XKR4: variants seen among roughly 807,000 people sequenced by gnomAD.
XKR4 encodes XK-related protein 4.
Under a neutral mutation model 53.9 loss-of-function variants are expected in XKR4, and 12 were observed. The observed-to-expected ratio is 0.22, with a 90% CI of 0.14 to 0.36. The LOEUF (loss-of-function observed/expected upper bound fraction) is 0.36. XKR4 is among the 10% of genes least tolerant of loss of function. XKR4 has a pLI of 1.00. For synonymous variants in XKR4, 354 were observed against 362.4 expected, an observed-to-expected ratio of 0.98 and a Z score of 0.26; for missense variants, 799 against 859.5, an observed-to-expected ratio of 0.93 and a Z score of 0.88.
At chr8:55,369,859 A>G (rs1198916670) in intron 2 of XKR4, among the ~76,000 whole-genome samples, 1 of 152,140 alleles carries the variant, frequency 6.6e-6, no homozygotes, top group African/African-American at 2.4e-5. Context: ...AAGTTATTAT[A>G]TATATTTGCT....
chr8:55,169,371 G>A lies in XKR4; in HGVS notation c.806+66077G>A, dbSNP rs117194283. Among the ~76,000 whole-genome samples the A allele has an allele frequency of 6.2e-3, 950 of 152,334 alleles. 4 individuals are homozygous for A. Among genetic ancestry groups the A allele is most frequent in the Non-Finnish European group, 9.1e-3 (620 of 68,032 alleles). ...GGTAAAATGGCAGTAATGCCCATCC[G>A]TGGTTTCATCCCTTTTCAAAGATTG... On this transcript the variant is annotated intron_variant, in intron 1 of 2. Coordinates refer to ENST00000327381, the MANE Select transcript of XKR4 (RefSeq NM_052898.2).
chr8:55,265,152 C>A (rs1276770707), intron 1 of XKR4, among the ~76,000 whole-genome samples: 2 of 152,194 alleles, frequency 1.3e-5, no homozygotes, highest in Non-Finnish European at 2.9e-5. Context: ...TAGGGTATCA[C>A]TACAAGCAGA....
chr8:55,325,227 T>G (rs1188153330), intron 1 of XKR4, among the ~76,000 whole-genome samples: 2 of 152,198 alleles, frequency 1.3e-5, no homozygotes, highest in Non-Finnish European at 2.9e-5. Flanking sequence ...AGTGTTGCTG[T>G]GCTATAATCA....
chr8:55,274,896 A>C (rs1051380607), intron 1 of XKR4, among the ~76,000 whole-genome samples: 4 of 152,210 alleles, frequency 2.6e-5, no homozygotes, highest in Admixed American at 1.3e-4. Flanking sequence ...AGTTCAGTCC[A>C]TGACAGTGCC....
intron 1 of XKR4, among the ~76,000 whole-genome samples, chr8:55,244,482 G>T (rs1818255751): frequency 6.6e-6 from 1 of 152,128 alleles, no homozygotes. Context: ...GGGCATTTAG[G>T]TTAATTCTAT....
chr8:55,411,033 C>A (rs1804770505), intron 2 of XKR4, among the ~76,000 whole-genome samples: 1 of 152,222 alleles, frequency 6.6e-6, no homozygotes, highest in South Asian at 2.1e-4. Flanking sequence ...ACAACCAAAT[C>A]TTTCTCCCTT....
At chr8:55,242,711 GC>G (rs1170955539) in intron 1 of XKR4, among the ~76,000 whole-genome samples, 1 of 152,112 alleles carries the variant, frequency 6.6e-6, no homozygotes, top group Non-Finnish European at 1.5e-5. Flanking sequence ...TGTTGAGTTA[GC>G]CCCTGGCTTT....
At chr8:55,407,855 A>G (rs1270231419) in intron 2 of XKR4, among the ~76,000 whole-genome samples, 1 of 152,214 alleles carries the variant, frequency 6.6e-6, no homozygotes, top group Non-Finnish European at 1.5e-5. Context: ...TTCAGAAGGG[A>G]GTATCATTGT....
At chr8:55,206,338 T>C (rs1209672138) in intron 1 of XKR4, among the ~76,000 whole-genome samples, 1 of 152,152 alleles carries the variant, frequency 6.6e-6, no homozygotes, top group Non-Finnish European at 1.5e-5. Flanking sequence ...ATTTACAAAC[T>C]GTTAGCTGGA....
chr8:55,335,133 C>T (rs936076554), intron 1 of XKR4, among the ~76,000 whole-genome samples: 2 of 152,152 alleles, frequency 1.3e-5, no homozygotes, highest in African/African-American at 4.8e-5. Flanking sequence ...GCTGTCAGTA[C>T]CTGATAATGT....
At chr8:55,168,764 G>T (rs987972300) in intron 1 of XKR4, among the ~76,000 whole-genome samples, 3 of 152,164 alleles carry the variant, frequency 2.0e-5, no homozygotes, top group Non-Finnish European at 2.9e-5. Flanking sequence ...TTGCTGGTCA[G>T]ACTCTCTCCC....
chr8:55,272,307 A>G (rs1346856401), intron 1 of XKR4, among the ~76,000 whole-genome samples: 5 of 152,220 alleles, frequency 3.3e-5, no homozygotes, highest in Non-Finnish European at 5.9e-5. Context: ...CTCAACATTA[A>G]CAAGCAATTG....
intron 1 of XKR4, among the ~76,000 whole-genome samples, chr8:55,136,193 A>G (rs1305025730): frequency 6.6e-6 from 1 of 152,190 alleles, no homozygotes; most frequent in African/African-American, 2.4e-5. Flanking sequence ...TGCCTGGCCC[A>G]TGCTCACTAA....
At chr8:55,345,640 G>T (rs954112115) in intron 1 of XKR4, among the ~76,000 whole-genome samples, 1 of 152,186 alleles carries the variant, frequency 6.6e-6, no homozygotes, top group South Asian at 2.1e-4. Flanking sequence ...TTTCTTGGAA[G>T]GCCCTGTGCA....
intron 1 of XKR4, among the ~76,000 whole-genome samples, chr8:55,334,682 C>T (rs555520458): frequency 1.3e-5 from 2 of 152,230 alleles, no homozygotes. Flanking sequence ...TTTAATAAAG[C>T]AACTGATGAC....
chr8:55,471,070 G>C (rs181875868), intron 2 of XKR4, among the ~76,000 whole-genome samples: 5 of 152,126 alleles, frequency 3.3e-5, no homozygotes, highest in African/African-American at 1.2e-4. Flanking sequence ...GTAGCCACTA[G>C]CCACATTGAA....
intron 2 of XKR4, chr8:55,452,695 G>A (rs534718708): frequency 8.9e-6 from 12 of 1,350,238 alleles, no homozygotes; most frequent in East Asian, 6.9e-5. Context: ...TCCACAAAGC[G>A]GTTGATGAAG....
chr8:55,351,959 A>G (rs1290458007), intron 1 of XKR4, among the ~76,000 whole-genome samples: 1 of 152,256 alleles, frequency 6.6e-6, no homozygotes, highest in Non-Finnish European at 1.5e-5. Flanking sequence ...CATTGAATCC[A>G]TAAAAGGATG....
At chr8:55,219,076 A>G (rs1037269930) in intron 1 of XKR4, among the ~76,000 whole-genome samples, 3 of 152,092 alleles carry the variant, frequency 2.0e-5, no homozygotes, top group African/African-American at 7.2e-5. Flanking sequence ...TCTGAAAAAA[A>G]GGATAGTCAT....
Sources: gnomAD v4.1 joint callset for allele counts (sites outside exome capture counted in the v4.1 genomes callset) on GRCh38, gnomAD v4.1.1 for gene constraint, MANE v1.5 for transcripts, NCBI Gene and HGNC (gene_info 2026-07-23, HGNC 2026-07-21) for gene names.